Variants in DMD observed in about 807,000 individuals in gnomAD.
The protein encoded by DMD is mutant dystrophin.
DMD carries 63 observed loss-of-function variants against 330.1 expected under a neutral mutation model. The observed-to-expected ratio is 0.19, with a 90% CI of 0.16 to 0.24. The LOEUF is 0.24. Ranked by LOEUF, DMD falls within the 10% of genes least tolerant of loss-of-function variation. DMD has a pLI of 1.00. For missense variants in DMD, 3,344 were observed against 2,684.1 expected, an observed-to-expected ratio of 1.25 and a Z score of -5.43; for synonymous variants, 1,223 against 959.8, an observed-to-expected ratio of 1.27 and a Z score of -5.07.
rs544776965 is a variant in DMD at position 32,314,274 on chromosome X, C to T, written c.5923-3998G>A. On this transcript the variant is annotated intron_variant, in intron 41 of 78. Coordinates refer to ENST00000357033, the MANE Select transcript of DMD (RefSeq NM_004006.3). ...TACAACCATCTGATCTTTGACAAACCTGACAAAAACAAGCAATGTGGAAAA... is the reference window on the plus strand; with the variant it reads ...TACAACCATCTGATCTTTGACAAACTTGACAAAAACAAGCAATGTGGAAAA... Among the ~76,000 whole-genome samples the T allele has an allele frequency of 1.8e-3, 204 of 111,564 alleles. 1 individual carries two copies. The highest frequency in any genetic ancestry group is 6.2e-3 in the African/African-American group (192 of 30,726).
intron 51 of DMD, among the ~76,000 whole-genome samples, chrX:31,734,167 T>G (rs948601395): frequency 3.6e-5 from 4 of 111,410 alleles, no homozygotes; most frequent in African/African-American, 9.8e-5. Flanking sequence ...TTTATCATTT[T>G]ATCATTCTCT....
At chrX:33,150,619 T>A (rs1407455929) in intron 1 of DMD, among the ~76,000 whole-genome samples, 1 of 108,863 alleles carries the variant, frequency 9.2e-6, no homozygotes, top group Non-Finnish European at 1.9e-5. Flanking sequence ...TAATTGCTAT[T>A]CCTTGAACAC....
chrX:32,817,900 G>A (rs893880438), intron 5 of DMD, among the ~76,000 whole-genome samples: 11 of 111,521 alleles, frequency 9.9e-5, no homozygotes, highest in East Asian at 8.4e-4. Flanking sequence ...GTAACGATTC[G>A]GAGATATGAA....
chrX:32,023,637 T>G (rs1427414996), intron 44 of DMD, among the ~76,000 whole-genome samples: 1 of 111,705 alleles, frequency 9.0e-6, no homozygotes, highest in Non-Finnish European at 1.9e-5. Flanking sequence ...TACCAAAAAG[T>G]ACATATAACA....
rs770728145 is a variant in DMD, at chrX:32,076,383, CTT to C, written c.6439-107871_6439-107870del. On this transcript the variant is annotated intron_variant, in intron 44 of 78. Transcript: ENST00000357033. ...ATAAGACTTCTTTTTTTCTTTCTTT[CTT>C]TTTTTTTTTTTTGAGACAGAGTCTC... Among the ~76,000 whole-genome samples the C allele has an allele frequency of 5.5e-4, 50 of 90,852 alleles. 1 individual carries two copies. The highest frequency in any genetic ancestry group is 1.8e-3 in the African/African-American group (45 of 25,294). 78.9% of individuals were successfully genotyped at this position (90,852 alleles called of 115,157 possible). A position where few individuals can be genotyped will look rare whatever the true frequency, so the allele number is the denominator to read the frequency against.
chrX:31,699,792 A>G (rs1362196345), intron 52 of DMD, among the ~76,000 whole-genome samples: 1 of 111,864 alleles, frequency 8.9e-6, no homozygotes, highest in Non-Finnish European at 1.9e-5. Flanking sequence ...GAAAGAAGTA[A>G]AGTGATACAA....
chrX:31,811,752 T>A (rs1339516296), intron 50 of DMD, among the ~76,000 whole-genome samples: 1 of 111,400 alleles, frequency 9.0e-6, no homozygotes, highest in Non-Finnish European at 1.9e-5. Flanking sequence ...CATCTGTTAA[T>A]GAGGAAGAAA....
At chrX:33,122,219 C>T (rs762712384) in intron 1 of DMD, among the ~76,000 whole-genome samples, 7 of 110,709 alleles carry the variant, frequency 6.3e-5, no homozygotes, top group South Asian at 3.7e-4. Flanking sequence ...AGTGAGACTC[C>T]GTCTCAAAAA....
At chrX:32,825,880 C>T (rs184789388) in intron 4 of DMD, among the ~76,000 whole-genome samples, 2 of 111,294 alleles carry the variant, frequency 1.8e-5, no homozygotes, top group Admixed American at 1.9e-4. Flanking sequence ...GGAGAGTAAT[C>T]GTTTAATCAG....
At chrX:32,652,616 T>A (rs1313534291) in intron 9 of DMD, among the ~76,000 whole-genome samples, 1 of 111,168 alleles carries the variant, frequency 9.0e-6, no homozygotes, top group Non-Finnish European at 1.9e-5. Flanking sequence ...TCTGTCTTTA[T>A]AGCAGCATGA....
chrX:31,699,271 C>T (rs1262646148), intron 52 of DMD, among the ~76,000 whole-genome samples: 1 of 112,074 alleles, frequency 8.9e-6, no homozygotes, highest in Non-Finnish European at 1.9e-5. Flanking sequence ...GTTTTCAGCT[C>T]TAACAGTTTG....
chrX:31,952,300 A>G (rs2095192303), intron 45 of DMD, among the ~76,000 whole-genome samples: 1 of 111,467 alleles, frequency 9.0e-6, no homozygotes, highest in African/African-American at 3.3e-5. Context: ...CTTTAACAAC[A>G]TTCTCTTTTT....
intron 9 of DMD, among the ~76,000 whole-genome samples, chrX:32,674,451 G>C (rs1390596226): frequency 9.0e-6 from 1 of 111,550 alleles, no homozygotes; most frequent in Non-Finnish European, 1.9e-5. Context: ...TCAAAGAGGA[G>C]GACTGTAGTA....
At chrX:32,719,714 A>G (rs2066074052) in intron 7 of DMD, among the ~76,000 whole-genome samples, 1 of 111,037 alleles carries the variant, frequency 9.0e-6, no homozygotes, top group South Asian at 3.7e-4. Context: ...ACTGCTTGGA[A>G]TGCCTGATAC....
At chrX:32,490,939 CTA>C (rs1423495083) in intron 20 of DMD, among the ~76,000 whole-genome samples, 8 of 111,852 alleles carry the variant, frequency 7.2e-5, no homozygotes, top group Non-Finnish European at 1.1e-4. Context: ...TTCAAAATGA[CTA>C]TGTTTCACTC....
intron 2 of DMD, among the ~76,000 whole-genome samples, chrX:33,010,981 C>T (rs190899934): frequency 9.0e-6 from 1 of 111,623 alleles, no homozygotes; most frequent in East Asian, 2.9e-4. Context: ...TGTTTTAACA[C>T]ATTTTCTAGG....
At chrX:32,593,817 C>A (rs2055209520) in intron 13 of DMD, among the ~76,000 whole-genome samples, 1 of 112,332 alleles carries the variant, frequency 8.9e-6, no homozygotes, top group South Asian at 3.7e-4. Flanking sequence ...ATTTCTCAAT[C>A]AAATAAGTTA....
chrX:31,866,468 T>G (rs1413338635), intron 48 of DMD, among the ~76,000 whole-genome samples: 1 of 111,946 alleles, frequency 8.9e-6, no homozygotes, highest in Admixed American at 9.5e-5. Flanking sequence ...CTCCATAAAT[T>G]ACATATCAGG....
intron 44 of DMD, among the ~76,000 whole-genome samples, chrX:31,998,837 C>CT (rs1323300605): frequency 8.9e-6 from 1 of 111,958 alleles, no homozygotes; most frequent in African/African-American, 3.2e-5. Context: ...TCTGTGAAAT[C>CT]TTTTTATTTG....
Sources: allele counts gnomAD v4.1 joint callset (sites outside exome capture counted in the v4.1 genomes callset), GRCh38; gene constraint gnomAD v4.1.1; transcripts MANE v1.5; gene names NCBI Gene and HGNC (gene_info 2026-07-23, HGNC 2026-07-21).